The following PIBF1 variants were observed in gnomAD, a reference collection of about 807,000 sequenced individuals.
The protein encoded by PIBF1 is progesterone immunomodulatory binding factor 1.
Under a neutral mutation model 112.5 loss-of-function variants are expected in PIBF1, and 90 were observed. The observed-to-expected ratio is 0.80, with a 90% CI of 0.67 to 0.95. The LOEUF is 0.95. PIBF1 is among the 40% of genes least tolerant of loss of function. PIBF1 has a pLI of 0.00. For missense variants in PIBF1, 915 were observed against 852.3 expected (o/e 1.07, Z -0.92); for synonymous variants, 301 against 288.6 (o/e 1.04, Z -0.44).
At chr13:72,818,859 C>T (rs1003632067) in intron 5 of PIBF1, among the ~76,000 whole-genome samples, 5 of 152,158 alleles carry the variant, frequency 3.3e-5, no homozygotes, top group South Asian at 2.1e-4. Context: ...TGGACCCACA[C>T]AATTGGTCGT....
Position 72,821,957 on chromosome 13 carries a change from C to G in PIBF1, c.781C>G (p.Gln261Glu), listed in dbSNP as rs1338828804. The G allele has an allele frequency of 6.2e-7, 1 of 1,612,118 alleles. No homozygotes were observed. Among genetic ancestry groups the G allele is most frequent in the Non-Finnish European group, 8.5e-7 (1 of 1,179,048 alleles). ...GTTAATTCAGCAAGGTGACTACCGT[C>G]AAGAGAACTATGATAAAGTCAAGAG... The part of the protein sequence containing the change: ...KQLIQQGDYR[Q>E]ENYDKVKSER... The change falls in exon 6 of 18, where the codon CAA becomes GAA. Residue 261 changes from glutamine (Q) to glutamate (E), a missense_variant. Coordinates refer to ENST00000326291, the MANE Select transcript of PIBF1 (RefSeq NM_006346.4).
chr13:72,909,928 A>T (rs2875643), intron 12 of PIBF1, among the ~76,000 whole-genome samples: 43,891 of 151,912 alleles, frequency 0.29, 7,168 homozygotes, highest in East Asian at 0.48. Flanking sequence ...ACGTTAATAA[A>T]TATTTTAAAT....
In PIBF1 at chr13:72,965,317, A is replaced by G. The variant is rs1416283852; in HGVS notation, c.1877A>G (p.Tyr626Cys). 6.2e-7 allele frequency: 1 copy of G among 1,611,174 alleles called. No homozygotes were observed. The highest frequency in any genetic ancestry group is 8.5e-7 in the Non-Finnish European group (1 of 1,177,652). The change falls in exon 15 of 18, where the codon TAC becomes TGC. Residue 626 changes from tyrosine (Y) to cysteine (C), a missense_variant. Physicochemically the swap from Tyr to Cys is radical, Grantham distance 194. Coordinates refer to ENST00000326291, the MANE Select transcript of PIBF1 (RefSeq NM_006346.4). ...NSLLNQTQQP[Y>C]RYLIESVRQR... Reference sequence around the variant, plus strand: ...CTATTAAACCAGACTCAACAGCCTTACAGGTATCTCATTGAATCAGTGCGT... The same window carrying G: ...CTATTAAACCAGACTCAACAGCCTTGCAGGTATCTCATTGAATCAGTGCGT...
chr13:72,965,670 C>T (rs553375115), intron 15 of PIBF1, among the ~76,000 whole-genome samples: 3 of 152,184 alleles, frequency 2.0e-5, no homozygotes, highest in Admixed American at 6.5e-5. Flanking sequence ...AGGACACAAC[C>T]GCTATTGGTC....
chr13:72,791,927 C>T (rs2034951898), intron 2 of PIBF1, among the ~76,000 whole-genome samples: 1 of 151,936 alleles, frequency 6.6e-6, no homozygotes, highest in Non-Finnish European at 1.5e-5. Context: ...AGCCACCGCA[C>T]CCAGCTGAAA....
chr13:72,787,640 G>C (rs1263680702), intron 2 of PIBF1, among the ~76,000 whole-genome samples: 2 of 152,090 alleles, frequency 1.3e-5, no homozygotes, highest in Admixed American at 6.6e-5. Context: ...CAATTTGGTA[G>C]TGCTGCCATA....
At chr13:72,976,101 A>G (rs1203506897) in intron 16 of PIBF1, among the ~76,000 whole-genome samples, 3 of 152,160 alleles carry the variant, frequency 2.0e-5, no homozygotes, top group Non-Finnish European at 4.4e-5. Flanking sequence ...AAGCATGCAA[A>G]TTAAATTCTA....
intron 11 of PIBF1, among the ~76,000 whole-genome samples, chr13:72,907,563 C>G (rs1490933981): frequency 6.6e-6 from 1 of 152,000 alleles, no homozygotes; most frequent in African/African-American, 2.4e-5. Context: ...CATTTAATTT[C>G]TTTCAACAGT....
In PIBF1 at chr13:72,962,740, C is replaced by CA. The variant is rs564912101; in HGVS notation, c.1834-2530dup. On this transcript the variant is annotated intron_variant, in intron 14 of 17. Coordinates refer to ENST00000326291, the MANE Select transcript of PIBF1 (RefSeq NM_006346.4). ...TCTACAAATTAGATTCAGTCCCTGTCAAAATCCCAATGGCATTTTTTACAG... is the reference window on the plus strand; with the variant it reads ...TCTACAAATTAGATTCAGTCCCTGTCAAAAATCCCAATGGCATTTTTTACAG... 3.0e-3 allele frequency among the ~76,000 whole-genome samples: 460 copies of CA among 152,250 alleles called. 1 individual carries two copies. The highest frequency in any genetic ancestry group is 9.9e-3 in the African/African-American group (412 of 41,538).
intron 11 of PIBF1, among the ~76,000 whole-genome samples, chr13:72,908,068 A>G (rs914000217): frequency 1.3e-5 from 2 of 152,186 alleles, no homozygotes; most frequent in Non-Finnish European, 2.9e-5. Flanking sequence ...CAGAAAACCA[A>G]AAATGTTATT....
chr13:72,796,246 G>A (rs192893425), intron 4 of PIBF1, among the ~76,000 whole-genome samples: 4 of 151,740 alleles, frequency 2.6e-5, no homozygotes, highest in Admixed American at 6.6e-5. Context: ...AGAATGAAAC[G>A]GGGAAAAAAA....
chr13:72,908,939 C>G (rs548043122), intron 12 of PIBF1, among the ~76,000 whole-genome samples: 1 of 151,850 alleles, frequency 6.6e-6, no homozygotes. Context: ...CCCAGCTACT[C>G]CAGAGGCTGA....
At chr13:72,974,610 C>A (rs1168346663) in intron 16 of PIBF1, among the ~76,000 whole-genome samples, 1 of 152,158 alleles carries the variant, frequency 6.6e-6, no homozygotes, top group Non-Finnish European at 1.5e-5. Flanking sequence ...TGAGCCTGTA[C>A]ATACATCTAC....
chr13:72,840,933 C>A (rs1366171768), intron 9 of PIBF1, among the ~76,000 whole-genome samples: 1 of 152,074 alleles, frequency 6.6e-6, no homozygotes, highest in Non-Finnish European at 1.5e-5. Flanking sequence ...TTTTTCTTTT[C>A]TCTTCTTTAA....
At chr13:72,798,153 A>G in intron 5 of PIBF1, 127 bp downstream of exon 5, 1 of 903,430 alleles carries the variant, frequency 1.1e-6, no homozygotes, top group Non-Finnish European at 1.6e-6. Context: ...TGACTGCTAC[A>G]GTTCAATAAT....
intron 9 of PIBF1, among the ~76,000 whole-genome samples, chr13:72,844,763 ACACACAC>A (rs2037777383): frequency 2.4e-5 from 3 of 126,410 alleles, no homozygotes; most frequent in Admixed American, 1.5e-4. Context: ...ACACACACAC[ACACACAC>A]ACACACACAC....
intron 16 of PIBF1, among the ~76,000 whole-genome samples, chr13:72,986,570 G>GT (rs2043293151): frequency 6.6e-6 from 1 of 151,576 alleles, no homozygotes; most frequent in African/African-American, 2.4e-5. Context: ...CCCGGAGGCT[G>GT]TAACAGCCCA....
chr13:72,805,799 A>G (rs1484009461), intron 5 of PIBF1, among the ~76,000 whole-genome samples: 1 of 152,214 alleles, frequency 6.6e-6, no homozygotes, highest in Non-Finnish European at 1.5e-5. Context: ...TCTAGAAACT[A>G]AAGACCTCCA....
At chr13:72,961,975 A>G (rs181746874) in intron 14 of PIBF1, among the ~76,000 whole-genome samples, 1 of 152,190 alleles carries the variant, frequency 6.6e-6, no homozygotes, top group Admixed American at 6.5e-5. Flanking sequence ...TCCTGAAAAA[A>G]AATTAACAAA....
Sources: gnomAD v4.1 joint callset for allele counts (sites outside exome capture counted in the v4.1 genomes callset) on GRCh38, gnomAD v4.1.1 for gene constraint, MANE v1.5 for transcripts, NCBI Gene and HGNC (gene_info 2026-07-23, HGNC 2026-07-21) for gene names.